The following SH3BP5 variants were observed in gnomAD, a reference collection of about 807,000 sequenced individuals.
SH3BP5 encodes SH3 domain binding protein 5.
SH3BP5 carries 22 observed loss-of-function variants against 43.3 expected under a neutral mutation model. That is an observed-to-expected ratio of 0.51 (90% CI 0.36 to 0.73). SH3BP5 has a LOEUF of 0.73. Among genes scored for constraint, SH3BP5 ranks in the 30% least tolerant of loss-of-function variants. The pLI is 0.00. For synonymous variants in SH3BP5, 255 were observed against 225.8 expected (o/e 1.13, Z -1.16); for missense variants, 529 against 586.9 (o/e 0.90, Z 1.02).
intron 3 of SH3BP5, among the ~76,000 whole-genome samples, chr3:15,289,348 G>A (rs1201560886): frequency 6.6e-6 from 1 of 152,162 alleles, no homozygotes; most frequent in Non-Finnish European, 1.5e-5. Flanking sequence ...TAAAATAGAA[G>A]GGACATATAT....
intron 3 of SH3BP5, among the ~76,000 whole-genome samples, chr3:15,279,508 AG>A (rs1490916366): frequency 6.6e-6 from 1 of 152,200 alleles, no homozygotes; most frequent in African/African-American, 2.4e-5. Context: ...CTGAGCTTAA[AG>A]GGGAACTTTT....
chr3:15,266,586 G>T (rs1443554977), intron 4 of SH3BP5, among the ~76,000 whole-genome samples: 4 of 152,180 alleles, frequency 2.6e-5, no homozygotes, highest in African/African-American at 9.7e-5. Flanking sequence ...AGGCTGAAGG[G>T]GTCCTATGCT....
chr3:15,320,958 G>A (rs916115740), intron 2 of SH3BP5, among the ~76,000 whole-genome samples: 2 of 152,168 alleles, frequency 1.3e-5, no homozygotes, highest in African/African-American at 4.8e-5. Flanking sequence ...AGAAGAGTTT[G>A]TATATTATCT....
intron 4 of SH3BP5, among the ~76,000 whole-genome samples, chr3:15,265,561 A>ACACACAC (rs1553613901): frequency 5.4e-4 from 24 of 44,504 alleles, no homozygotes; most frequent in African/African-American, 1.7e-3. Context: ...CACACACACA[A>ACACACAC]CCCTCCAGCT....
chr3:15,272,092 C>G (rs1318549667), intron 3 of SH3BP5, among the ~76,000 whole-genome samples: 3 of 152,168 alleles, frequency 2.0e-5, no homozygotes, highest in African/African-American at 7.2e-5. Context: ...GCAATTCTTG[C>G]ATGACTTCGA....
At chr3:15,279,913 C>T (rs11128742) in intron 3 of SH3BP5, among the ~76,000 whole-genome samples, 29,237 of 152,058 alleles carry the variant, frequency 0.19, 3,191 homozygotes, top group African/African-American at 0.29. Context: ...TCCCATTGCA[C>T]TCAGGAAGCA....
rs1285577992 is a variant in SH3BP5, at chr3:15,265,559, C to CACACACACACACACAA, written c.496-3271_496-3270insTTGTGTGTGTGTGTGT. Among the ~76,000 whole-genome samples the CACACACACACACACAA allele has an allele frequency of 2.8e-5, 4 of 142,930 alleles. No homozygotes were observed. In the South Asian group the frequency reaches 9.2e-4, roughly 33 times the overall value. 93.8% of individuals were successfully genotyped at this position (142,930 alleles called of 152,430 possible). A position where few individuals can be genotyped will look rare whatever the true frequency, so the allele number is the denominator to read the frequency against. On this transcript the variant is annotated intron_variant, in intron 4 of 8. Transcript: ENST00000383791. ...ACACACACACACACACACACACACA[C>CACACACACACACACAA]AACCCTCCAGCTCCTGGAAGAGACC...
At chr3:15,260,459 C>A (rs1696393473) in intron 5 of SH3BP5, 1 of 154,624 alleles carries the variant, frequency 6.5e-6, no homozygotes. Context: ...TTTTTAGGAA[C>A]TTTGGTGCCT....
intron 2 of SH3BP5, among the ~76,000 whole-genome samples, chr3:15,314,101 C>CA (rs963222738): frequency 2.0e-5 from 3 of 151,392 alleles, no homozygotes; most frequent in African/African-American, 7.3e-5. Flanking sequence ...GACTCTGTCT[C>CA]AAAAAATTAA....
chr3:15,302,784 A>C (rs762563204), intron 3 of SH3BP5, among the ~76,000 whole-genome samples: 1 of 151,420 alleles, frequency 6.6e-6, no homozygotes, highest in Non-Finnish European at 1.5e-5. Context: ...GAAACTTTGC[A>C]TTGTTGTTGC....
At chr3:15,296,862 T>TAGA (rs1195876245) in intron 3 of SH3BP5, among the ~76,000 whole-genome samples, 1 of 123,162 alleles carries the variant, frequency 8.1e-6, no homozygotes, top group Non-Finnish European at 1.7e-5. Flanking sequence ...TCTGGCTTCT[T>TAGA]AAAAAAAAAA....
intron 7 of SH3BP5, chr3:15,257,331 G>A (rs1397885868): frequency 7.3e-6 from 4 of 549,292 alleles, no homozygotes; most frequent in Non-Finnish European, 1.3e-5. Flanking sequence ...TGGATATTAA[G>A]CGCCCTTCCA....
At chr3:15,339,534 A>C (rs151240881) in intron 1 of SH3BP5, among the ~76,000 whole-genome samples, 3,127 of 152,162 alleles carry the variant, frequency 0.021, 110 homozygotes, top group African/African-American at 0.07. Flanking sequence ...CAATATGGTA[A>C]AACCATCTCT....
At chr3:15,311,014 C>A (rs1698043369) in intron 2 of SH3BP5, among the ~76,000 whole-genome samples, 5 of 152,112 alleles carry the variant, frequency 3.3e-5, no homozygotes, top group Admixed American at 3.3e-4. Context: ...AATTACCTTG[C>A]CTGGAAACTG....
intron 5 of SH3BP5, among the ~76,000 whole-genome samples, chr3:15,261,904 G>A (rs1454737826): frequency 6.6e-6 from 1 of 152,174 alleles, no homozygotes; most frequent in Non-Finnish European, 1.5e-5. Context: ...TTAATAATGT[G>A]CCTTTGAAAT....
upstream of SH3BP5, chr3:15,333,284 T>C (rs948901522): frequency 2.0e-6 from 2 of 985,276 alleles, no homozygotes; most frequent in African/African-American, 1.7e-5. Context: ...GGCACGTGTG[T>C]GTGCTTTTAT....
intron 3 of SH3BP5, among the ~76,000 whole-genome samples, chr3:15,280,694 C>G (rs1382473671): frequency 1.3e-5 from 2 of 152,184 alleles, no homozygotes; most frequent in Non-Finnish European, 1.5e-5. Context: ...CTTAATTCTT[C>G]AAATGTGTGC....
intron 3 of SH3BP5, among the ~76,000 whole-genome samples, chr3:15,277,990 G>C (rs56798302): frequency 6.6e-6 from 1 of 152,320 alleles, no homozygotes; most frequent in East Asian, 1.9e-4. Context: ...CTGCAGGCAC[G>C]GGGTGGCAGG....
At chr3:15,302,924 T>G (rs1316399061) in intron 3 of SH3BP5, among the ~76,000 whole-genome samples, 2 of 151,846 alleles carry the variant, frequency 1.3e-5, no homozygotes, top group African/African-American at 2.4e-5. Flanking sequence ...TTCTCATGCC[T>G]CTGCCTCCCT....
Sources: allele counts gnomAD v4.1 joint callset (sites outside exome capture counted in the v4.1 genomes callset), GRCh38; gene constraint gnomAD v4.1.1; transcripts MANE v1.5; gene names NCBI Gene and HGNC (gene_info 2026-07-23, HGNC 2026-07-21).